The following PRSS23 variants were observed in gnomAD, a reference collection of about 807,000 sequenced individuals.
PRSS23 encodes serine protease 23.
In PRSS23, 25 loss-of-function variants were observed where a neutral mutation model predicts 34.7. That is an observed-to-expected ratio of 0.72 (90% CI 0.53 to 1.01). The LOEUF (loss-of-function observed/expected upper bound fraction) is 1.01, where lower values mean the gene tolerates loss of function less well. Ranked by LOEUF, PRSS23 falls within the 50% of genes least tolerant of loss-of-function variation. PRSS23 has a pLI of 0.00. For missense variants in PRSS23, 445 were observed against 475.6 expected, an observed-to-expected ratio of 0.94 and a Z score of 0.60; for synonymous variants, 176 against 186.6, an observed-to-expected ratio of 0.94 and a Z score of 0.46.
intron 1 of PRSS23, among the ~76,000 whole-genome samples, chr11:86,806,204 C>T (rs952362568): frequency 1.3e-5 from 2 of 152,248 alleles, no homozygotes; most frequent in Admixed American, 1.3e-4. Context: ...ACTTCCTCTA[C>T]TCCACCCTTG....
intron 2 of PRSS23, among the ~76,000 whole-genome samples, chr11:86,855,324 A>G (rs1322569700): frequency 6.6e-6 from 1 of 152,324 alleles, no homozygotes; most frequent in Middle Eastern, 3.4e-3. Flanking sequence ...GGAAATATTC[A>G]ATAAATTCCT....
At chr11:86,878,638 C>T (rs1297811064) in intron 2 of PRSS23, among the ~76,000 whole-genome samples, 1 of 152,096 alleles carries the variant, frequency 6.6e-6, no homozygotes, top group Non-Finnish European at 1.5e-5. Context: ...AGCCGCCTGC[C>T]TTGGCCTCCC....
intron 2 of PRSS23, among the ~76,000 whole-genome samples, chr11:86,859,051 G>C (rs190369973): frequency 6.6e-6 from 1 of 151,930 alleles, no homozygotes; most frequent in African/African-American, 2.4e-5. Flanking sequence ...ATCTAGGGGA[G>C]AGAGGGTGAT....
intron 2 of PRSS23, among the ~76,000 whole-genome samples, chr11:86,878,992 G>A (rs1163251571): frequency 4.8e-5 from 6 of 125,656 alleles, no homozygotes; most frequent in Non-Finnish European, 8.5e-5. Context: ...GTCTCTGCCC[G>A]GCCGCCATCC....
chr11:86,948,333 G>A (rs2135035206), intron 2 of PRSS23: 1 of 152,072 alleles, frequency 6.6e-6, no homozygotes, highest in Admixed American at 6.5e-5. Flanking sequence ...TCAGTTAGAA[G>A]AACAGAGATT....
At chr11:86,925,451 C>T (rs1277567358) in intron 2 of PRSS23, among the ~76,000 whole-genome samples, 2 of 152,052 alleles carry the variant, frequency 1.3e-5, no homozygotes, top group Non-Finnish European at 2.9e-5. Context: ...ATATGCCAAC[C>T]TTAATAGTAG....
chr11:86,883,931 C>G (rs879614112), intron 2 of PRSS23, among the ~76,000 whole-genome samples: 1 of 150,596 alleles, frequency 6.6e-6, no homozygotes, highest in Non-Finnish European at 1.5e-5. Context: ...AGCCCAAAAT[C>G]GAACTAACTT....
chr11:86,885,350 G>A (rs2134965489), intron 2 of PRSS23, among the ~76,000 whole-genome samples: 1 of 152,312 alleles, frequency 6.6e-6, no homozygotes, highest in Admixed American at 6.5e-5. Context: ...CAAATTTTCT[G>A]ATTCCATAAA....
chr11:86,821,837 T>C (rs1307587556), intron 1 of PRSS23: 10 of 513,184 alleles, frequency 1.9e-5, no homozygotes, highest in African/African-American at 7.7e-5. Flanking sequence ...TCTGGGCCTA[T>C]TGGCTCGATT....
chr11:86,846,560 C>T (rs761675216), intron 2 of PRSS23, among the ~76,000 whole-genome samples: 1 of 152,152 alleles, frequency 6.6e-6, no homozygotes, highest in Non-Finnish European at 1.5e-5. Context: ...ATCTTAGTCT[C>T]CCAGATATCC....
At chr11:86,919,056 C>A (rs1949031609) in intron 2 of PRSS23, among the ~76,000 whole-genome samples, 1 of 152,156 alleles carries the variant, frequency 6.6e-6, no homozygotes, top group South Asian at 2.1e-4. Context: ...TCCTCCACTG[C>A]CTCGCAGTTT....
chr11:86,931,150 G>T (rs1949123306), intron 2 of PRSS23, among the ~76,000 whole-genome samples: 1 of 152,164 alleles, frequency 6.6e-6, no homozygotes, highest in South Asian at 2.1e-4. Context: ...TCATATATCT[G>T]ACAAACTACT....
At chr11:86,800,101 T>C (rs1029218802), upstream of PRSS23, 5 of 152,292 alleles carry the variant, frequency 3.3e-5, no homozygotes, top group African/African-American at 1.2e-4. Flanking sequence ...TTCTAGGCTG[T>C]TGGGGGAGGG....
intron 2 of PRSS23, chr11:86,945,699 T>C (rs189105376): frequency 1.3e-5 from 2 of 152,786 alleles, no homozygotes; most frequent in East Asian, 3.9e-4. Context: ...AACTTTATTT[T>C]CCTTTAATAC....
At position 86,920,889 on chromosome 11, in the gene PRSS23, G is replaced by A. The variant is rs568503043; in HGVS notation, c.207-30327G>A. Among the ~76,000 whole-genome samples, 15 of 152,144 alleles carry A rather than the reference G, an allele frequency of 9.9e-5. No homozygotes were observed. The East Asian group carries it at 1.4e-3, about 14-fold the overall frequency. ...ATGATACCATACTCAATGATCCTTC[G>A]TCACTGTTGTCATTGTCATCATTCC... is the stretch of plus-strand genomic sequence containing the variant. On this transcript the variant is annotated intron_variant, in intron 2 of 2. Coordinates refer to the PRSS23 transcript ENST00000533902.
At chr11:86,890,225 A>T (rs1217693545) in intron 2 of PRSS23, among the ~76,000 whole-genome samples, 3 of 151,898 alleles carry the variant, frequency 2.0e-5, no homozygotes, top group Non-Finnish European at 4.4e-5. Context: ...AGCTGAGATC[A>T]TGCCACTGCA....
intron 2 of PRSS23, among the ~76,000 whole-genome samples, chr11:86,849,471 T>A (rs781073337): frequency 6.6e-6 from 1 of 152,156 alleles, no homozygotes; most frequent in Admixed American, 6.5e-5. Flanking sequence ...GAAGGACAAT[T>A]AGGAAAGGCA....
In PRSS23 at chr11:86,930,017, TTTG is replaced by T. The variant is rs139368360; in HGVS notation, c.207-21196_207-21194del. ...AGTATAACACTAATAGTATTCATAA[TTTG>T]TTATTTGCTAATATATACAAATATA... On this transcript the variant is annotated intron_variant, in intron 2 of 2. Transcript: ENST00000533902. Among the ~76,000 whole-genome samples, 722 of 152,228 alleles carry T rather than the reference TTTG, an allele frequency of 4.7e-3. 6 individuals are homozygous for T. The highest frequency in any genetic ancestry group is 0.017 in the African/African-American group (692 of 41,542).
intron 2 of PRSS23, among the ~76,000 whole-genome samples, chr11:86,906,751 A>G (rs1948945910): frequency 6.6e-6 from 1 of 152,148 alleles, no homozygotes; most frequent in South Asian, 2.1e-4. Context: ...AGCAATGTCT[A>G]TTTAGGGAGC....
Sources: allele counts gnomAD v4.1 joint callset (sites outside exome capture counted in the v4.1 genomes callset), GRCh38; gene constraint gnomAD v4.1.1; transcripts MANE v1.5; gene names NCBI Gene and HGNC (gene_info 2026-07-23, HGNC 2026-07-21).